TMEM135: variants seen among roughly 807,000 people sequenced by gnomAD.
The protein encoded by TMEM135 is peroxisomal membrane protein 52.
In TMEM135, 30 loss-of-function variants were observed where a neutral mutation model predicts 60.3. That is an observed-to-expected ratio of 0.50 (90% confidence interval 0.37 to 0.68). The LOEUF (loss-of-function observed/expected upper bound fraction) is 0.68, where lower values mean the gene tolerates loss of function less well. Among genes scored for constraint, TMEM135 ranks in the 30% least tolerant of loss-of-function variants. The pLI, the probability that TMEM135 is intolerant of heterozygous loss-of-function variation, is 0.00. For synonymous variants in TMEM135, 190 were observed against 186.7 expected, an observed-to-expected ratio of 1.02 and a Z score of -0.14; for missense variants, 468 against 548.8, an observed-to-expected ratio of 0.85 and a Z score of 1.47.
At chr11:87,085,368 A>G (rs1857073931) in intron 3 of TMEM135, among the ~76,000 whole-genome samples, 1 of 152,214 alleles carries the variant, frequency 6.6e-6, no homozygotes, top group South Asian at 2.1e-4. Flanking sequence ...CTGCTTTTTC[A>G]TAATAGTAAC....
chr11:87,167,228 A>C (rs1018379112), intron 5 of TMEM135, among the ~76,000 whole-genome samples: 2 of 152,192 alleles, frequency 1.3e-5, no homozygotes, highest in African/African-American at 4.8e-5. Context: ...GGTTTTCTAA[A>C]TATACAATTA....
At chr11:87,110,138 G>T (rs1274446339) in intron 4 of TMEM135, among the ~76,000 whole-genome samples, 1 of 152,124 alleles carries the variant, frequency 6.6e-6, no homozygotes, top group Non-Finnish European at 1.5e-5. Context: ...ATAGCTGGTT[G>T]TGGCAGTGTC....
At chr11:87,260,857 T>C (rs370163279) in intron 6 of TMEM135, among the ~76,000 whole-genome samples, 11 of 152,314 alleles carry the variant, frequency 7.2e-5, no homozygotes, top group South Asian at 6.2e-4. Context: ...AACTTTAACA[T>C]TGAATCTTTT....
chr11:87,065,125 C>T (rs149315589), intron 1 of TMEM135, among the ~76,000 whole-genome samples: 35 of 152,214 alleles, frequency 2.3e-4, no homozygotes, highest in African/African-American at 6.7e-4. Flanking sequence ...TGGTTTTTGA[C>T]GATTGCAGAC....
At chr11:87,117,665 C>G (rs957925508) in intron 4 of TMEM135, among the ~76,000 whole-genome samples, 1 of 152,172 alleles carries the variant, frequency 6.6e-6, no homozygotes, top group Non-Finnish European at 1.5e-5. Context: ...AGTTCTGTTG[C>G]TCTTTCAACC....
intron 4 of TMEM135, among the ~76,000 whole-genome samples, chr11:87,104,782 G>A (rs554139384): frequency 2.0e-5 from 3 of 152,210 alleles, no homozygotes; most frequent in South Asian, 2.1e-4. Context: ...TCCTGCAACC[G>A]TACGGAATTT....
At chr11:87,101,693 G>A (rs1857459644) in intron 4 of TMEM135, among the ~76,000 whole-genome samples, 1 of 152,130 alleles carries the variant, frequency 6.6e-6, no homozygotes, top group South Asian at 2.1e-4. Context: ...TGGTGATTCA[G>A]CCTAGGCACA....
At chr11:87,203,032 C>CAAAAAAAAAAA (rs534909524) in intron 5 of TMEM135, among the ~76,000 whole-genome samples, 2 of 33,592 alleles carry the variant, frequency 6.0e-5, no homozygotes, top group African/African-American at 1.8e-4. Context: ...GACTCCGTCT[C>CAAAAAAAAAAA]AAAAAAAAAA....
At chr11:87,161,605 G>T (rs547867) in intron 5 of TMEM135, among the ~76,000 whole-genome samples, 55,922 of 151,832 alleles carry the variant, frequency 0.37, 10,831 homozygotes, top group East Asian at 0.67. Context: ...AAATCATTTA[G>T]TTTCTTTTTA....
chr11:87,039,801 G>T (rs533859400), intron 1 of TMEM135, among the ~76,000 whole-genome samples: 1 of 152,296 alleles, frequency 6.6e-6, no homozygotes, highest in African/African-American at 2.4e-5. Context: ...AAAATCCATA[G>T]CACTTTTCAT....
chr11:87,283,912 AAAACATTTGTT>A (rs1942115029), intron 6 of TMEM135, among the ~76,000 whole-genome samples: 1 of 152,214 alleles, frequency 6.6e-6, no homozygotes. Flanking sequence ...TGTTTAATTG[AAAACATTTGTT>A]TTCATATTTT....
At chr11:87,042,954 G>GT (rs201655891) in intron 1 of TMEM135, among the ~76,000 whole-genome samples, 5,848 of 125,144 alleles carry the variant, frequency 0.047, 435 homozygotes, top group African/African-American at 0.17. Flanking sequence ...CTGTAGTTTT[G>GT]TTTTGTTTTT....
intron 4 of TMEM135, among the ~76,000 whole-genome samples, chr11:87,148,524 G>A (rs553882486): frequency 6.6e-6 from 1 of 152,252 alleles, no homozygotes; most frequent in South Asian, 2.1e-4. Context: ...TTTGAGACAT[G>A]AGAAATAATG....
intron 5 of TMEM135, among the ~76,000 whole-genome samples, chr11:87,210,170 C>G (rs1940330084): frequency 6.6e-6 from 1 of 152,062 alleles, no homozygotes; most frequent in African/African-American, 2.4e-5. Context: ...TAAATTAGAG[C>G]TGAACTGAAT....
At chr11:87,049,758 G>C (rs1006896785) in intron 1 of TMEM135, among the ~76,000 whole-genome samples, 1 of 89,066 alleles carries the variant, frequency 1.1e-5, no homozygotes, top group Admixed American at 1.2e-4. Flanking sequence ...ACAGATCAAC[G>C]AGACAGAAAG....
rs180760288 is a variant in TMEM135 at position 87,086,600 on chromosome 11, C to T, written c.363-4762C>T. On this transcript the variant is annotated intron_variant, in intron 3 of 14. Coordinates refer to ENST00000305494, the MANE Select transcript of TMEM135 (RefSeq NM_022918.4). ...GTGCCTGTGTCTGGGGCTTTTATGG[C>T]CTCAGAATAGGGAAGTGCTTGCTGA... Among the ~76,000 whole-genome samples the T allele has an allele frequency of 3.6e-3, 543 of 151,168 alleles. 5 individuals are homozygous for T. The highest frequency in any genetic ancestry group is 0.012 in the African/African-American group (481 of 41,232).
chr11:87,231,731 AAG>A (rs1224568428), intron 5 of TMEM135, among the ~76,000 whole-genome samples: 1 of 152,184 alleles, frequency 6.6e-6, no homozygotes, highest in African/African-American at 2.4e-5. Context: ...AGACATTAAA[AAG>A]AGTTATCATA....
intron 7 of TMEM135, among the ~76,000 whole-genome samples, chr11:87,296,054 A>G (rs1401908376): frequency 6.6e-6 from 1 of 152,300 alleles, no homozygotes; most frequent in African/African-American, 2.4e-5. Flanking sequence ...TGTGCTTTCT[A>G]CTGTGGGGTA....
intron 5 of TMEM135, among the ~76,000 whole-genome samples, chr11:87,180,198 G>A (rs1939479183): frequency 6.6e-6 from 1 of 152,048 alleles, no homozygotes; most frequent in African/African-American, 2.4e-5. Flanking sequence ...TAATCATGAG[G>A]CCGTTCCCCT....
Sources: gnomAD v4.1 joint callset for allele counts (sites outside exome capture counted in the v4.1 genomes callset) on GRCh38, gnomAD v4.1.1 for gene constraint, MANE v1.5 for transcripts, NCBI Gene and HGNC (gene_info 2026-07-23, HGNC 2026-07-21) for gene names.